PIBF1: variants seen among roughly 807,000 people sequenced by gnomAD.
PIBF1 encodes the protein progesterone-induced-blocking factor 1.
PIBF1 carries 90 observed loss-of-function variants against 112.5 expected under a neutral mutation model. The observed-to-expected ratio is 0.80, with a 90% CI of 0.67 to 0.95. The LOEUF is 0.95. Among genes scored for constraint, PIBF1 ranks in the 40% least tolerant of loss-of-function variants. The pLI is 0.00. For synonymous variants in PIBF1, 301 were observed against 288.6 expected (o/e 1.04, Z -0.44); for missense variants, 915 against 852.3 (o/e 1.07, Z -0.92).
intron 10 of PIBF1, among the ~76,000 whole-genome samples, chr13:72,862,625 A>G (rs561914684): frequency 1.0e-5 from 1 of 95,906 alleles, no homozygotes; most frequent in South Asian, 3.4e-4. Context: ...GAAAATATAC[A>G]AATAACAATA....
chr13:72,940,223 C>T (rs1365968182), intron 14 of PIBF1, among the ~76,000 whole-genome samples: 1 of 151,908 alleles, frequency 6.6e-6, no homozygotes, highest in Non-Finnish European at 1.5e-5. Flanking sequence ...CTTTTTTCTG[C>T]TTTTCTTTTG....
intron 2 of PIBF1, among the ~76,000 whole-genome samples, chr13:72,784,044 C>G (rs1414110195): frequency 6.6e-6 from 1 of 151,660 alleles, no homozygotes; most frequent in Non-Finnish European, 1.5e-5. Flanking sequence ...TCTTGGAAAA[C>G]ATTGTGTTTT....
chr13:72,972,469 G>C (rs1172780471), intron 15 of PIBF1, among the ~76,000 whole-genome samples: 2 of 152,128 alleles, frequency 1.3e-5, no homozygotes, highest in African/African-American at 4.8e-5. Context: ...TTCGAGACCA[G>C]CCTGGCCAGC....
chr13:72,871,015 T>A (rs9573048), intron 10 of PIBF1, among the ~76,000 whole-genome samples: 1 of 151,714 alleles, frequency 6.6e-6, no homozygotes, highest in Non-Finnish European at 1.5e-5. Flanking sequence ...GTAATATATG[T>A]ATATATATTT....
intron 14 of PIBF1, among the ~76,000 whole-genome samples, chr13:72,951,178 A>C (rs1430541297): frequency 2.0e-5 from 3 of 152,170 alleles, no homozygotes; most frequent in Non-Finnish European, 4.4e-5. Context: ...GTGTGCCTTT[A>C]ATACACCTTA....
chr13:72,864,996 GA>G (rs1168456435), intron 10 of PIBF1, among the ~76,000 whole-genome samples: 1 of 152,132 alleles, frequency 6.6e-6, no homozygotes, highest in Non-Finnish European at 1.5e-5. Flanking sequence ...TAGTCATCAT[GA>G]AAAGTTCTTT....
At chr13:72,894,588 A>G (rs2040191169) in intron 11 of PIBF1, among the ~76,000 whole-genome samples, 1 of 151,790 alleles carries the variant, frequency 6.6e-6, no homozygotes, top group Non-Finnish European at 1.5e-5. Flanking sequence ...TACATGGTAA[A>G]GGTCATATTT....
At chr13:72,902,328 G>C (rs1431034969) in intron 11 of PIBF1, among the ~76,000 whole-genome samples, 1 of 151,390 alleles carries the variant, frequency 6.6e-6, no homozygotes, top group African/African-American at 2.4e-5. Context: ...ACAAATTACC[G>C]CTAAAGAACT....
intron 2 of PIBF1, among the ~76,000 whole-genome samples, chr13:72,787,134 C>T (rs1233833505): frequency 6.6e-6 from 1 of 151,658 alleles, no homozygotes; most frequent in East Asian, 1.9e-4. Flanking sequence ...TCTTACATGC[C>T]CTGGGAATAA....
At chr13:72,875,799 G>A (rs1369499913) in intron 10 of PIBF1, among the ~76,000 whole-genome samples, 2 of 152,094 alleles carry the variant, frequency 1.3e-5, no homozygotes, top group Non-Finnish European at 2.9e-5. Flanking sequence ...TTGTTATCTT[G>A]TTGAGTTTTA....
intron 9 of PIBF1, among the ~76,000 whole-genome samples, chr13:72,842,598 G>A (rs139182717): frequency 6.6e-6 from 1 of 152,188 alleles, no homozygotes; most frequent in Non-Finnish European, 1.5e-5. Context: ...AAGGTTAGTT[G>A]AGTATATGTA....
At position 72,996,091 on chromosome 13, in the gene PIBF1, G is replaced by GC. The variant is rs1464046178; in HGVS notation, c.2050-2731_2050-2730insC. 1.7e-5 allele frequency among the ~76,000 whole-genome samples: 2 copies of GC among 120,156 alleles called. 1 individual carries two copies. The highest frequency in any genetic ancestry group is 3.5e-5 in the Non-Finnish European group (2 of 56,874). 78.8% of individuals were successfully genotyped at this position (120,156 alleles called of 152,430 possible). ...TTCATAACAAAAAAAAAAAAGCGGG[G>GC]GGGGGGGGTCATAAACAAAGTCAAG... On this transcript the variant is annotated intron_variant, in intron 16 of 17. Coordinates refer to ENST00000326291, the MANE Select transcript of PIBF1 (RefSeq NM_006346.4).
At chr13:72,972,613 G>A (rs564827537) in intron 15 of PIBF1, among the ~76,000 whole-genome samples, 4 of 151,298 alleles carry the variant, frequency 2.6e-5, no homozygotes, top group South Asian at 2.1e-4. Flanking sequence ...GCAGTGAGCC[G>A]AGATCGCGCC....
intron 16 of PIBF1, among the ~76,000 whole-genome samples, chr13:72,985,844 C>T (rs8002688): frequency 0.11 from 17,017 of 151,962 alleles, 2,405 homozygotes; most frequent in African/African-American, 0.33. Flanking sequence ...ACCCATCAAA[C>T]ACTACTGAAA....
intron 4 of PIBF1, among the ~76,000 whole-genome samples, chr13:72,796,133 T>C (rs971989303): frequency 5.3e-5 from 8 of 152,208 alleles, no homozygotes; most frequent in African/African-American, 1.2e-4. Flanking sequence ...TAACAACTTT[T>C]TTAAACACAA....
chr13:72,972,495 C>G lies in PIBF1; in HGVS notation c.1965-1096C>G, dbSNP rs929216204. ...CCTGGCCAGCATGGTGAAACCCCAT[C>G]TCTACTAAAAATACAAAAATTAGCC... On this transcript the variant is annotated intron_variant, in intron 15 of 17. Transcript: ENST00000326291. Among the ~76,000 whole-genome samples, 3 of 152,122 alleles carry G rather than the reference C, an allele frequency of 2.0e-5. No homozygotes were observed. The East Asian group carries it at 5.8e-4, about 29-fold the overall frequency.
At chr13:72,834,260 C>T (rs188321500) in intron 8 of PIBF1, among the ~76,000 whole-genome samples, 32 of 152,300 alleles carry the variant, frequency 2.1e-4, no homozygotes, top group African/African-American at 7.5e-4. Context: ...CTTTCTTCTA[C>T]TGGATGTGTA....
chr13:72,811,277 C>T (rs71427605), intron 5 of PIBF1, among the ~76,000 whole-genome samples: 5,706 of 152,212 alleles, frequency 0.037, 157 homozygotes, highest in Middle Eastern at 0.092. Flanking sequence ...TTAAAAATAA[C>T]TTTGAATTTT....
rs756449894 is a variant in PIBF1, at chr13:72,931,163, A to G, written c.1731-2A>G. ...ATTAATTTTCTTATTTCATTTGCCT[A>G]GTGTTCACTTGGCAAGAAGAGTGCT... On this transcript the variant is annotated splice_acceptor_variant, in intron 13 of 17. Transcript: ENST00000326291. LOFTEE classifies it high-confidence loss of function. 3.2e-6 allele frequency: 5 copies of G among 1,581,248 alleles called. No individual in the cohort carries two copies. Among genetic ancestry groups the G allele is most frequent in the South Asian group, 2.2e-5 (2 of 89,304 alleles).
Sources: allele counts gnomAD v4.1 joint callset (sites outside exome capture counted in the v4.1 genomes callset), GRCh38; gene constraint gnomAD v4.1.1; transcripts MANE v1.5; gene names NCBI Gene and HGNC (gene_info 2026-07-23, HGNC 2026-07-21).